SLC10A7: variants seen among roughly 807,000 people sequenced by gnomAD.
SLC10A7 encodes sodium/bile acid cotransporter 7.
SLC10A7 carries 29 observed loss-of-function variants against 43.2 expected under a neutral mutation model. The observed-to-expected ratio is 0.67, with a 90% CI of 0.50 to 0.92. The LOEUF (loss-of-function observed/expected upper bound fraction) is 0.92. Among genes scored for constraint, SLC10A7 ranks in the 40% least tolerant of loss-of-function variants. SLC10A7 has a pLI of 0.00. For synonymous variants in SLC10A7, 152 were observed against 144.8 expected (o/e 1.05, Z -0.35); for missense variants, 295 against 403.2 (o/e 0.73, Z 2.30).
chr4:146,320,862 T>C (rs1299772828), intron 6 of SLC10A7, among the ~76,000 whole-genome samples: 1 of 151,932 alleles, frequency 6.6e-6, no homozygotes, highest in Non-Finnish European at 1.5e-5. Flanking sequence ...GGAGAACGCA[T>C]GGGAAATGAT....
At chr4:146,448,072 T>TG (rs979026727) in intron 4 of SLC10A7, among the ~76,000 whole-genome samples, 10 of 151,244 alleles carry the variant, frequency 6.6e-5, no homozygotes, top group African/African-American at 2.4e-4. Flanking sequence ...TGTTGTGGGG[T>TG]GGGGGGAGCG....
At chr4:146,481,990 C>T (rs778423261) in intron 4 of SLC10A7, among the ~76,000 whole-genome samples, 2 of 152,220 alleles carry the variant, frequency 1.3e-5, no homozygotes, top group African/African-American at 2.4e-5. Context: ...GAGGCACCCA[C>T]AGTCATTACT....
At chr4:146,401,836 T>C (rs371619125) in intron 5 of SLC10A7, among the ~76,000 whole-genome samples, 14 of 152,342 alleles carry the variant, frequency 9.2e-5, no homozygotes, top group African/African-American at 2.6e-4. Flanking sequence ...TTTGGGGTGC[T>C]TTGAATCAGT....
At chr4:146,361,644 T>C (rs1290751797) in intron 5 of SLC10A7, among the ~76,000 whole-genome samples, 1 of 152,134 alleles carries the variant, frequency 6.6e-6, no homozygotes, top group African/African-American at 2.4e-5. Flanking sequence ...CTGTGAAGAA[T>C]GGAATAAATA....
chr4:146,292,581 AG>A (rs1730511735), intron 9 of SLC10A7, among the ~76,000 whole-genome samples: 1 of 152,202 alleles, frequency 6.6e-6, no homozygotes, highest in African/African-American at 2.4e-5. Context: ...AGTCAAGTAA[AG>A]ATATCTAAAT....
intron 9 of SLC10A7, among the ~76,000 whole-genome samples, chr4:146,290,584 T>C (rs1349329366): frequency 2.0e-5 from 3 of 151,992 alleles, no homozygotes; most frequent in Non-Finnish European, 4.4e-5. Flanking sequence ...CAGATGCTAG[T>C]TGCGGTGAAT....
At chr4:146,462,031 A>G (rs2149938794) in intron 4 of SLC10A7, among the ~76,000 whole-genome samples, 1 of 152,192 alleles carries the variant, frequency 6.6e-6, no homozygotes, top group Non-Finnish European at 1.5e-5. Flanking sequence ...AATTTTGTGA[A>G]GTGAATGATA....
At position 146,396,474 on chromosome 4, in the gene SLC10A7, C is replaced by T. The variant is rs895325367; in HGVS notation, c.435+46309G>A. On this transcript the variant is annotated intron_variant, in intron 5 of 11. Coordinates refer to ENST00000335472, the MANE Select transcript of SLC10A7 (RefSeq NM_001029998.6). ...GTTGATAGTTTTAGATTACATTACC[C>T]TAAATAAAGAAGGAATTGTTGCTGA... Among the ~76,000 whole-genome samples, 3 of 151,954 alleles carry T rather than the reference C, an allele frequency of 2.0e-5. No individual in the cohort carries two copies. In the South Asian group the frequency reaches 6.2e-4, roughly 31 times the overall value.
intron 4 of SLC10A7, among the ~76,000 whole-genome samples, chr4:146,459,615 CAA>C (rs1223959898): frequency 7.0e-6 from 1 of 143,248 alleles, no homozygotes; most frequent in African/African-American, 2.5e-5. Context: ...CATCCACACA[CAA>C]AAAAAAAAAA....
At chr4:146,308,324 C>G (rs1332910238) in intron 6 of SLC10A7, among the ~76,000 whole-genome samples, 1 of 152,088 alleles carries the variant, frequency 6.6e-6, no homozygotes, top group Non-Finnish European at 1.5e-5. Flanking sequence ...TTTGAATTGG[C>G]CAACAGACCT....
At chr4:146,327,371 G>A (rs1733205121) in intron 5 of SLC10A7, among the ~76,000 whole-genome samples, 1 of 152,140 alleles carries the variant, frequency 6.6e-6, no homozygotes, top group Non-Finnish European at 1.5e-5. Flanking sequence ...AACTCCATTG[G>A]TATCTATGAA....
intron 7 of SLC10A7, among the ~76,000 whole-genome samples, chr4:146,294,571 G>A (rs142948336): frequency 5.3e-5 from 8 of 152,240 alleles, no homozygotes; most frequent in Non-Finnish European, 5.9e-5. Flanking sequence ...TATTTAAAAC[G>A]CTAGCAATGC....
At chr4:146,510,927 G>C (rs1487247831) in intron 2 of SLC10A7, among the ~76,000 whole-genome samples, 1 of 152,092 alleles carries the variant, frequency 6.6e-6, no homozygotes, top group African/African-American at 2.4e-5. Flanking sequence ...CTATTCACTA[G>C]ATTCTTTGTT....
At chr4:146,504,244 G>A (rs138174780) in intron 3 of SLC10A7, among the ~76,000 whole-genome samples, 128 of 152,120 alleles carry the variant, frequency 8.4e-4, no homozygotes, top group African/African-American at 3.1e-3. Context: ...AATGGGCAGG[G>A]CTCGGTGGCT....
intron 5 of SLC10A7, among the ~76,000 whole-genome samples, chr4:146,425,143 T>C (rs1729247289): frequency 6.6e-6 from 1 of 152,170 alleles, no homozygotes; most frequent in African/African-American, 2.4e-5. Flanking sequence ...AAGCTGAACA[T>C]GTGTATGTGA....
chr4:146,451,033 A>G (rs950943751), intron 4 of SLC10A7, among the ~76,000 whole-genome samples: 1 of 151,866 alleles, frequency 6.6e-6, no homozygotes, highest in African/African-American at 2.4e-5. Flanking sequence ...AAAAAAAACC[A>G]GACAGATTAA....
At chr4:146,432,087 C>A (rs1174310735) in intron 5 of SLC10A7, among the ~76,000 whole-genome samples, 3 of 152,114 alleles carry the variant, frequency 2.0e-5, no homozygotes, top group African/African-American at 7.2e-5. Flanking sequence ...TGATGACATA[C>A]CGCTACACAC....
intron 5 of SLC10A7, among the ~76,000 whole-genome samples, chr4:146,435,955 T>C (rs974354111): frequency 7.9e-5 from 12 of 152,078 alleles, no homozygotes; most frequent in Non-Finnish European, 1.5e-5. Context: ...TGAAAGTACA[T>C]GGCATTTGTT....
At chr4:146,443,309 C>T (rs1344663485) in intron 4 of SLC10A7, among the ~76,000 whole-genome samples, 1 of 152,028 alleles carries the variant, frequency 6.6e-6, no homozygotes, top group Non-Finnish European at 1.5e-5. Context: ...GAAATATGAA[C>T]AATGCTGTTA....
Sources: allele counts gnomAD v4.1 joint callset (sites outside exome capture counted in the v4.1 genomes callset), GRCh38; gene constraint gnomAD v4.1.1; transcripts MANE v1.5; gene names NCBI Gene and HGNC (gene_info 2026-07-23, HGNC 2026-07-21).